The following SQLE variants were observed in gnomAD, a reference collection of about 807,000 sequenced individuals.
SQLE encodes the protein squalene epoxidase, also known as squalene monooxygenase.
Under a neutral mutation model 60.7 loss-of-function variants are expected in SQLE, and 29 were observed. That is an observed-to-expected ratio of 0.48 (90% CI 0.36 to 0.65). The LOEUF is 0.65. Ranked by LOEUF, SQLE falls within the 30% of genes least tolerant of loss-of-function variation. The probability of loss-of-function intolerance (pLI) is 0.00; values close to 1 mark genes in which losing one functional copy is unlikely to be tolerated. For missense variants in SQLE, 605 were observed against 684.1 expected, an observed-to-expected ratio of 0.88 and a Z score of 1.29; for synonymous variants, 237 against 246.8, an observed-to-expected ratio of 0.96 and a Z score of 0.37.
chr8:125,007,847 T>C (rs1814978965), intron 4 of SQLE, among the ~76,000 whole-genome samples: 1 of 152,182 alleles, frequency 6.6e-6, no homozygotes, highest in African/African-American at 2.4e-5. Flanking sequence ...GGGTTTCAGA[T>C]TGCAACACAT....
At chr8:125,005,495 T>C (rs775769701) in intron 2 of SQLE, 30 bp from the exon 3 acceptor site, 1 of 1,524,364 alleles carries the variant, frequency 6.6e-7, no homozygotes, top group East Asian at 2.4e-5. Flanking sequence ...GTTAACAGAA[T>C]TGATTGTTTT....
Position 124,999,357 on chromosome 8 carries a change from C to CAGATA in SQLE, c.-45_-41dup, listed in dbSNP as rs1167205580. 2.7e-6 allele frequency: 4 copies of CAGATA among 1,468,898 alleles called. No homozygotes were observed. In the African/African-American group the frequency reaches 5.7e-5, roughly 21 times the overall value. 91.0% of individuals were successfully genotyped at this position (1,468,898 alleles called of 1,614,324 possible). ...GGGGAGAACCTTAAACCCACTCGAG[C>CAGATA]AGATAATCTCCGCCTTGACCGGTGC... On this transcript the variant is annotated 5_prime_UTR_variant, in exon 1 of 11. Coordinates refer to ENST00000265896, the MANE Select transcript of SQLE (RefSeq NM_003129.4).
chr8:125,008,500 A>C (rs1410273738), intron 4 of SQLE, among the ~76,000 whole-genome samples: 1 of 152,178 alleles, frequency 6.6e-6, no homozygotes, highest in Non-Finnish European at 1.5e-5. Context: ...AGGTGACTGG[A>C]ATGTTTTCTC....
At chr8:125,020,679 T>G in intron 9 of SQLE, 105 bp from the exon 10 acceptor site, 2 of 695,216 alleles carry the variant, frequency 2.9e-6, no homozygotes, top group Non-Finnish European at 5.0e-6. Flanking sequence ...ATTTAAAAAT[T>G]ATCTGCAAGA....
At chr8:125,007,518 A>C in intron 4 of SQLE, 31 bp downstream of exon 4, 1 of 1,450,000 alleles carries the variant, frequency 6.9e-7, no homozygotes, top group East Asian at 2.5e-5. Context: ...CCTCTTCCTA[A>C]GAGATGTTGT....
At position 124,998,725 on chromosome 8, in the gene SQLE, C is replaced by G. The variant is rs1174649848; in HGVS notation, c.-679C>G. The G allele has an allele frequency of 1.7e-6, 1 of 581,000 alleles. No homozygotes were observed. Among genetic ancestry groups the G allele is most frequent in the Non-Finnish European group, 3.1e-6 (1 of 322,036 alleles). 36.0% of individuals were successfully genotyped at this position (581,000 alleles called of 1,614,324 possible). ...TCTGGGGGCCAGCGAAACGGGAGGCCTCTAAATCTTTAGGTTGGGGCTGCA... is the reference window on the plus strand; with the variant it reads ...TCTGGGGGCCAGCGAAACGGGAGGCGTCTAAATCTTTAGGTTGGGGCTGCA... On this transcript the variant is annotated 5_prime_UTR_variant, in exon 1 of 11. Coordinates refer to ENST00000265896, the MANE Select transcript of SQLE (RefSeq NM_003129.4).
intron 7 of SQLE, among the ~76,000 whole-genome samples, chr8:125,015,328 T>G (rs1275266860): frequency 6.6e-6 from 1 of 152,182 alleles, no homozygotes. Flanking sequence ...GATCGTTGGT[T>G]CTTTTTTTAA....
In SQLE at chr8:125,003,158, C is replaced by CT. The variant is rs3083763; in HGVS notation, c.292-7dup. ...TAACAAATTTGGATACCTAGTTTAC[C>CT]TTTTTTTTTTTAAACAGCGCAGAAA... is the stretch of plus-strand genomic sequence containing the variant. On this transcript the variant is annotated splice_polypyrimidine_tract_variant and intron_variant, in intron 1 of 10. Coordinates refer to ENST00000265896, the MANE Select transcript of SQLE (RefSeq NM_003129.4). The CT allele has an allele frequency of 0.068, 87,358 of 1,281,716 alleles. 3,609 individuals are homozygous for CT. Among genetic ancestry groups the CT allele is most frequent in the African/African-American group, 0.36 (24,750 of 68,034 alleles). 79.4% of individuals were successfully genotyped at this position (1,281,716 alleles called of 1,614,324 possible).
In SQLE at chr8:124,998,564, C is replaced by T; in HGVS notation, c.-840C>T. 3 of 683,410 alleles carry T rather than the reference C, an allele frequency of 4.4e-6. No individual in the cohort carries two copies. In the South Asian group the frequency reaches 4.6e-5, roughly 10 times the overall value. 42.3% of individuals were successfully genotyped at this position (683,410 alleles called of 1,614,324 possible). On this transcript the variant is annotated 5_prime_UTR_variant, in exon 1 of 11. Coordinates refer to ENST00000265896, the MANE Select transcript of SQLE (RefSeq NM_003129.4). Reference sequence around the variant, plus strand: ...GCGACGGTTACTCTGGTTACTGGGGCCGCGCCGCGCTGGCGAGAGCCGCCG... The same window carrying T: ...GCGACGGTTACTCTGGTTACTGGGGTCGCGCCGCGCTGGCGAGAGCCGCCG...
rs763368484 is a variant in SQLE, at chr8:125,003,305, G to T, written c.421G>T (p.Val141Leu). 1.2e-6 allele frequency: 2 copies of T among 1,614,010 alleles called. No homozygotes were observed. Among genetic ancestry groups the T allele is most frequent in the Admixed American group, 3.3e-5 (2 of 60,024 alleles). ...AGVLGSALAA[V>L]LSRDGRKVTV... ...CGTGCTTGGCTCTGCTTTGGCAGCT[G>T]TGCTTTCCAGAGATGGAAGAAAGGT... Residue 141 changes from valine (V) to leucine (L), a missense_variant, in exon 2 of 11, where the codon GTG becomes TTG. Coordinates refer to ENST00000265896, the MANE Select transcript of SQLE (RefSeq NM_003129.4).
chr8:125,020,548 G>T (rs1423687234), intron 9 of SQLE, among the ~76,000 whole-genome samples: 2 of 152,036 alleles, frequency 1.3e-5, no homozygotes, highest in Non-Finnish European at 2.9e-5. Context: ...ACTCTTCCAA[G>T]ACCTAAATAT....
chr8:125,020,258 A>T (rs60909322), intron 9 of SQLE, among the ~76,000 whole-genome samples: 12,066 of 152,228 alleles, frequency 0.079, 793 homozygotes, highest in African/African-American at 0.18. Flanking sequence ...CAGAACATTG[A>T]TTCTAAATGG....
chr8:125,018,951 A>G, intron 9 of SQLE: 1 of 471,908 alleles, frequency 2.1e-6, no homozygotes, highest in Non-Finnish European at 3.7e-6. Flanking sequence ...GCAATGCCTC[A>G]GTAACATATT....
rs760505492 is a variant in SQLE, at chr8:125,007,483, T to C, written c.818T>C (p.Ile273Thr). The C allele has an allele frequency of 5.2e-6, 8 of 1,539,610 alleles. No homozygotes were observed. The highest frequency in any genetic ancestry group is 1.7e-4 in the Middle Eastern group (1 of 5,938). The change falls in exon 4 of 11, where the codon ATC (isoleucine) becomes ACC (threonine). Residue 273 changes from isoleucine to threonine, a missense_variant. Physicochemically the swap from Ile to Thr is moderately conservative, Grantham distance 89. Coordinates refer to ENST00000265896, the MANE Select transcript of SQLE (RefSeq NM_003129.4). ...VQYKDKETGD[I>T]KELHAPLTVV... is the part of the protein sequence containing the mutation. The stretch of plus-strand genomic sequence containing the variant: ...TACAAGGATAAAGAGACTGGAGATA[T>C]CAAGGTGAGAAATACCAAATGTCAC...
intron 1 of SQLE, chr8:125,000,124 A>T (rs1425849096): frequency 1.1e-5 from 5 of 439,458 alleles, no homozygotes; most frequent in Non-Finnish European, 2.3e-5. Context: ...GTGACAGAAC[A>T]GTTTGAAAAG....
chr8:125,007,310 A>T (rs1814968263), intron 3 of SQLE, 81 bp from the exon 4 acceptor site: 1 of 1,049,994 alleles, frequency 9.5e-7, no homozygotes, highest in African/African-American at 1.6e-5. Context: ...TTATATGGAT[A>T]AACTGGAGAT....
rs1554588049 is a variant in SQLE at position 125,013,356 on chromosome 8, C to CT, written c.1204+1737dup. On this transcript the variant is annotated intron_variant, in intron 7 of 10. Coordinates refer to ENST00000265896, the MANE Select transcript of SQLE (RefSeq NM_003129.4). ...AGATTTACTCCTATGTTTTCTTTTT[C>CT]TTTTTTTTTTTTTGAGATGGAGTTT... Among the ~76,000 whole-genome samples the CT allele has an allele frequency of 3.9e-3, 537 of 136,400 alleles. 5 individuals carry two copies. Among genetic ancestry groups the CT allele is most frequent in the African/African-American group, 0.013 (453 of 35,172 alleles). The allele number at this position is 136,400 out of a possible 152,430, so 89.5% of individuals were successfully genotyped here.
At chr8:125,001,343 C>G (rs750669559) in intron 1 of SQLE, among the ~76,000 whole-genome samples, 4 of 151,478 alleles carry the variant, frequency 2.6e-5, no homozygotes, top group Non-Finnish European at 5.9e-5. Flanking sequence ...TTTTGTGAAC[C>G]AGGGAGTTGT....
intron 7 of SQLE, among the ~76,000 whole-genome samples, chr8:125,012,050 G>A (rs1487829690): frequency 6.6e-6 from 1 of 151,786 alleles, no homozygotes; most frequent in Non-Finnish European, 1.5e-5. Flanking sequence ...TGGAGGATGA[G>A]TGGGAGTTCA....
Sources: allele counts gnomAD v4.1 joint callset (sites outside exome capture counted in the v4.1 genomes callset), GRCh38; gene constraint gnomAD v4.1.1; transcripts MANE v1.5; gene names NCBI Gene and HGNC (gene_info 2026-07-23, HGNC 2026-07-21).